SGCD: variants seen among roughly 807,000 people sequenced by gnomAD.
SGCD encodes the protein delta-sarcoglycan.
SGCD carries 18 observed loss-of-function variants against 36.6 expected under a neutral mutation model. The observed-to-expected ratio is 0.49, with a 90% CI of 0.34 to 0.73. The LOEUF (loss-of-function observed/expected upper bound fraction) is 0.73, where lower values mean the gene tolerates loss of function less well. Among genes scored for constraint, SGCD ranks in the 30% least tolerant of loss-of-function variants. The pLI is 0.01. For missense variants in SGCD, 387 were observed against 346.7 expected (o/e 1.12, Z -0.92); for synonymous variants, 133 against 130.6 (o/e 1.02, Z -0.12).
chr5:156,645,469 G>T (rs1322613922), intron 6 of SGCD, among the ~76,000 whole-genome samples: 1 of 152,106 alleles, frequency 6.6e-6, no homozygotes, highest in Non-Finnish European at 1.5e-5. Context: ...GATGTGAATT[G>T]TTTTGAGAAG....
chr5:156,128,870 A>T (rs1762244170), intron 3 of SGCD, among the ~76,000 whole-genome samples: 1 of 152,238 alleles, frequency 6.6e-6, no homozygotes, highest in South Asian at 2.1e-4. Flanking sequence ...AATATAGTAG[A>T]ATACTATTCA....
Position 155,891,558 on chromosome 5 carries a change from C to CTTTTTTTTTTTTTTTTTTTTTTTTT in SGCD, c.-282+21153_-282+21154insTTTTTTTTTTTTTTTTTTTTTTTTT. 7.4e-4 allele frequency among the ~76,000 whole-genome samples: 45 copies of CTTTTTTTTTTTTTTTTTTTTTTTTT among 60,770 alleles called. 9 individuals carry two copies. The highest frequency in any genetic ancestry group is 1.6e-3 in the African/African-American group (23 of 14,596). 39.9% of individuals were successfully genotyped at this position (60,770 alleles called of 152,430 possible). A position where few individuals can be genotyped will look rare whatever the true frequency, so the allele number is the denominator to read the frequency against. ...CAAATTCCAGAGAAAAATAAATACTCTTTTTTTTTTTTTTTTTTTGGTGAC... is the reference window on the plus strand; with the variant it reads ...CAAATTCCAGAGAAAAATAAATACTCTTTTTTTTTTTTTTTTTTTTTTTTTTTTTTTTTTTTTTTTTTTTGGTGAC... On this transcript the variant is annotated intron_variant, in intron 1 of 9. Coordinates refer to the SGCD transcript ENST00000517913.
At chr5:156,562,055 G>A (rs1759286355) in intron 4 of SGCD, among the ~76,000 whole-genome samples, 1 of 152,076 alleles carries the variant, frequency 6.6e-6, no homozygotes, top group Admixed American at 6.6e-5. Flanking sequence ...AATATTTACT[G>A]AACACTTATA....
chr5:156,263,889 A>G (rs892863505), intron 3 of SGCD, among the ~76,000 whole-genome samples: 2 of 152,044 alleles, frequency 1.3e-5, no homozygotes, highest in African/African-American at 4.8e-5. Context: ...TTTGTCAAAG[A>G]TCAGTTGGCT....
At chr5:156,254,335 T>A (rs1259503713) in intron 3 of SGCD, among the ~76,000 whole-genome samples, 1 of 152,216 alleles carries the variant, frequency 6.6e-6, no homozygotes, top group East Asian at 1.9e-4. Flanking sequence ...TAACTTGTCA[T>A]TTAACATTAG....
At chr5:156,153,294 T>C (rs1762872255) in intron 3 of SGCD, among the ~76,000 whole-genome samples, 2 of 151,534 alleles carry the variant, frequency 1.3e-5, no homozygotes, top group South Asian at 4.1e-4. Flanking sequence ...TTTGGTTCTC[T>C]TGATGGACTG....
At chr5:156,035,734 T>G (rs1759480678) in intron 1 of SGCD, among the ~76,000 whole-genome samples, 1 of 152,208 alleles carries the variant, frequency 6.6e-6, no homozygotes, top group Admixed American at 6.5e-5. Context: ...GATTGTAAAG[T>G]GACTACTTCC....
At chr5:155,846,016 T>TC in the SGCD span, among the ~76,000 whole-genome samples, 1 of 152,188 alleles carries the variant, frequency 6.6e-6, no homozygotes, top group Non-Finnish European at 1.5e-5. Context: ...TGGGAGTTTT[T>TC]CATGATTGGC....
At chr5:155,734,502 A>G in the SGCD span, among the ~76,000 whole-genome samples, 1 of 152,118 alleles carries the variant, frequency 6.6e-6, no homozygotes, top group Non-Finnish European at 1.5e-5. Context: ...GTGAGCCACT[A>G]CTTGGCCCAC....
the SGCD span, among the ~76,000 whole-genome samples, chr5:155,840,121 A>C: frequency 2.6e-5 from 4 of 151,710 alleles, no homozygotes; most frequent in Admixed American, 2.6e-4. Flanking sequence ...TAGGTTTATA[A>C]TCCAATACCG....
intron 3 of SGCD, among the ~76,000 whole-genome samples, chr5:156,483,264 C>T (rs1755517216): frequency 6.6e-6 from 1 of 152,098 alleles, no homozygotes; most frequent in Non-Finnish European, 1.5e-5. Flanking sequence ...CCTCCTAGCC[C>T]CCATGATCAA....
intron 3 of SGCD, among the ~76,000 whole-genome samples, chr5:156,349,537 C>T (rs1769125726): frequency 6.6e-6 from 1 of 151,840 alleles, no homozygotes; most frequent in African/African-American, 2.4e-5. Flanking sequence ...ATTAAAACCA[C>T]AATGAGATAC....
intron 3 of SGCD, among the ~76,000 whole-genome samples, chr5:156,287,824 A>G (rs1766651110): frequency 6.6e-6 from 1 of 152,106 alleles, no homozygotes; most frequent in Admixed American, 6.6e-5. Flanking sequence ...GCTTGACCCC[A>G]GAAATTTGAG....
At chr5:156,132,486 T>TTTTTTTTTTTTTTTTTTAG in intron 3 of SGCD, among the ~76,000 whole-genome samples, 1 of 138,350 alleles carries the variant, frequency 7.2e-6, no homozygotes, top group East Asian at 2.0e-4. Context: ...TTTTTTTTTT[T>TTTTTTTTTTTTTTTTTTAG]GAGACGGAGT....
At chr5:155,766,776 A>C in the SGCD span, among the ~76,000 whole-genome samples, 1 of 152,194 alleles carries the variant, frequency 6.6e-6, no homozygotes, top group Admixed American at 6.5e-5. Context: ...ACCATTTTAC[A>C]GATGAGCAAA....
At chr5:156,404,695 T>A in intron 3 of SGCD, among the ~76,000 whole-genome samples, 1 of 152,166 alleles carries the variant, frequency 6.6e-6, no homozygotes, top group Middle Eastern at 3.2e-3. Context: ...TTTCTTTTAC[T>A]GATGGAAAAA....
chr5:156,091,722 C>G (rs985057110), intron 1 of SGCD, among the ~76,000 whole-genome samples: 2 of 152,226 alleles, frequency 1.3e-5, no homozygotes, highest in African/African-American at 4.8e-5. Context: ...TTTGCATCAT[C>G]AAAGAAGATG....
intron 3 of SGCD, among the ~76,000 whole-genome samples, chr5:156,493,386 G>T (rs902034539): frequency 2.0e-5 from 3 of 151,972 alleles, no homozygotes; most frequent in Non-Finnish European, 4.4e-5. Flanking sequence ...AAATCTCTTG[G>T]CACCCCTTTG....
intron 2 of SGCD, among the ~76,000 whole-genome samples, chr5:156,120,515 T>C (rs1190918394): frequency 6.6e-6 from 1 of 152,190 alleles, no homozygotes; most frequent in Non-Finnish European, 1.5e-5. Flanking sequence ...ACTATTATCC[T>C]CTACCATATC....
Sources: allele counts gnomAD v4.1 joint callset (sites outside exome capture counted in the v4.1 genomes callset), GRCh38; gene constraint gnomAD v4.1.1; transcripts MANE v1.5; gene names NCBI Gene and HGNC (gene_info 2026-07-23, HGNC 2026-07-21).